The following ASAP1 variants were observed in gnomAD, a reference collection of about 807,000 sequenced individuals.
The protein encoded by ASAP1 is ArfGAP with SH3 domain, ankyrin repeat and PH domain 1, also known as arf-GAP with SH3 domain, ANK repeat and PH domain-containing protein 1.
ASAP1 carries 43 observed loss-of-function variants against 145.2 expected under a neutral mutation model. The observed-to-expected ratio is 0.30, with a 90% CI of 0.23 to 0.38. The LOEUF (loss-of-function observed/expected upper bound fraction) is 0.38. Among genes scored for constraint, ASAP1 ranks in the 10% least tolerant of loss-of-function variants. The probability of loss-of-function intolerance (pLI) is 1.00; values close to 1 mark genes in which losing one functional copy is unlikely to be tolerated. For missense variants in ASAP1, 1,018 were observed against 1,355.3 expected (o/e 0.75, Z 3.91); for synonymous variants, 546 against 515.5 (o/e 1.06, Z -0.80).
intron 2 of ASAP1, among the ~76,000 whole-genome samples, chr8:130,397,321 A>C (rs562949048): frequency 6.6e-6 from 1 of 152,110 alleles, no homozygotes; most frequent in Non-Finnish European, 1.5e-5. Flanking sequence ...TTGTATTTTT[A>C]GTAGAGACAG....
intron 24 of ASAP1, among the ~76,000 whole-genome samples, chr8:130,100,557 G>T (rs1222156529): frequency 1.3e-5 from 2 of 152,162 alleles, no homozygotes; most frequent in Non-Finnish European, 2.9e-5. Context: ...TCGAAGCCCT[G>T]ACCTCAGGCA....
intron 1 of ASAP1, among the ~76,000 whole-genome samples, chr8:130,411,218 A>G (rs1052276939): frequency 6.6e-6 from 1 of 152,118 alleles, no homozygotes. Flanking sequence ...GCCCACACAC[A>G]ATGCCTTGAC....
intron 15 of ASAP1, among the ~76,000 whole-genome samples, chr8:130,130,815 G>A (rs1411466824): frequency 5.9e-5 from 9 of 152,072 alleles, no homozygotes; most frequent in Admixed American, 3.9e-4. Flanking sequence ...AGGCTGAAGC[G>A]GGAAGATCGC....
chr8:130,148,895 C>T (rs961529893), intron 13 of ASAP1, among the ~76,000 whole-genome samples: 46 of 151,932 alleles, frequency 3.0e-4, no homozygotes, highest in African/African-American at 8.5e-4. Context: ...AGTGCAGTGG[C>T]GCAATCTTGG....
rs144413361 is a variant in ASAP1 at position 130,334,936 on chromosome 8, C to G, written c.186+23081G>C. On this transcript the variant is annotated intron_variant, in intron 3 of 29. Coordinates refer to ENST00000518721, the MANE Select transcript of ASAP1 (RefSeq NM_018482.4). ...ATCCAAATACATATCAGACCTCCAA[C>G]CCTCCTTTCAGAATATCAAGCATCC... Among the ~76,000 whole-genome samples the G allele has an allele frequency of 5.0e-3, 760 of 152,280 alleles. 7 individuals carry two copies. The highest frequency in any genetic ancestry group is 0.018 in the African/African-American group (730 of 41,546).
At chr8:130,206,970 G>A (rs1816265261) in intron 5 of ASAP1, among the ~76,000 whole-genome samples, 1 of 151,568 alleles carries the variant, frequency 6.6e-6, no homozygotes. Context: ...TGATTTTATT[G>A]GTTTCCTTTT....
At chr8:130,068,602 C>T (rs114403086) in intron 27 of ASAP1, among the ~76,000 whole-genome samples, 390 of 152,282 alleles carry the variant, frequency 2.6e-3, no homozygotes, top group African/African-American at 8.7e-3. Flanking sequence ...CCACAGCTCA[C>T]TATTGAACAA....
intron 27 of ASAP1, among the ~76,000 whole-genome samples, chr8:130,062,041 T>C (rs531411057): frequency 4.6e-5 from 7 of 152,256 alleles, no homozygotes; most frequent in Admixed American, 1.3e-4. Flanking sequence ...CATGGGTTAA[T>C]ATATGCAAAG....
chr8:130,343,152 T>A (rs955255798), intron 3 of ASAP1, among the ~76,000 whole-genome samples: 1 of 152,236 alleles, frequency 6.6e-6, no homozygotes, highest in African/African-American at 2.4e-5. Context: ...CCCCTTTTCA[T>A]AGTGAATGCT....
At chr8:130,186,461 A>G (rs759870108) in intron 7 of ASAP1, among the ~76,000 whole-genome samples, 2 of 152,158 alleles carry the variant, frequency 1.3e-5, no homozygotes, top group Admixed American at 1.3e-4. Context: ...TTAAAAATAC[A>G]TATCTCCTCC....
At chr8:130,321,971 C>A (rs746183953) in intron 3 of ASAP1, among the ~76,000 whole-genome samples, 98 of 152,314 alleles carry the variant, frequency 6.4e-4, no homozygotes, top group Admixed American at 1.5e-3. Context: ...AAATCTCAAT[C>A]TGACTTCTAG....
In ASAP1 at chr8:130,062,500, A is replaced by C. The variant is rs545150083; in HGVS notation, c.2702-1431T>G. ...ACATGAATCTCGTTCCTCTCTTGGAAGTCTGAAATTGGCTAAGAAACAATC... is the reference window on the plus strand; with the variant it reads ...ACATGAATCTCGTTCCTCTCTTGGACGTCTGAAATTGGCTAAGAAACAATC... On this transcript the variant is annotated intron_variant, in intron 27 of 29. Transcript: ENST00000518721. Among the ~76,000 whole-genome samples the C allele has an allele frequency of 8.5e-5, 13 of 152,282 alleles. No individual in the cohort carries two copies. The South Asian group carries it at 1.4e-3, about 17-fold the overall frequency.
chr8:130,164,380 A>G (rs939522190), intron 11 of ASAP1, among the ~76,000 whole-genome samples: 2 of 152,080 alleles, frequency 1.3e-5, no homozygotes, highest in African/African-American at 2.4e-5. Flanking sequence ...AGGTCACTTG[A>G]GGAGTTCGAG....
intron 11 of ASAP1, among the ~76,000 whole-genome samples, chr8:130,163,352 AT>A: frequency 1.3e-5 from 2 of 152,368 alleles, no homozygotes; most frequent in African/African-American, 4.8e-5. Flanking sequence ...TTATATATTT[AT>A]TACTAGCTTA....
At chr8:130,234,212 T>C (rs186390238) in intron 4 of ASAP1, among the ~76,000 whole-genome samples, 2 of 152,294 alleles carry the variant, frequency 1.3e-5, no homozygotes, top group East Asian at 1.9e-4. Flanking sequence ...ATTTCTGCAC[T>C]ATCCAATATG....
At chr8:130,134,196 C>T (rs559241425) in intron 15 of ASAP1, 100 bp downstream of exon 15, 5 of 892,878 alleles carry the variant, frequency 5.6e-6, no homozygotes, top group Non-Finnish European at 8.4e-6. Context: ...AGCCACCAGG[C>T]GAGGTTCTTA....
chr8:130,277,194 T>C (rs1176387875), intron 3 of ASAP1, among the ~76,000 whole-genome samples: 3 of 151,978 alleles, frequency 2.0e-5, no homozygotes, highest in African/African-American at 7.2e-5. Flanking sequence ...TGAGTGAGAC[T>C]GGAGAGAAAG....
intron 24 of ASAP1, among the ~76,000 whole-genome samples, chr8:130,094,699 C>T (rs1255285845): frequency 6.6e-6 from 1 of 152,130 alleles, no homozygotes; most frequent in Non-Finnish European, 1.5e-5. Flanking sequence ...TGGCGAGGCA[C>T]TCACCCCATC....
chr8:130,430,818 G>A (rs996041957), intron 1 of ASAP1, among the ~76,000 whole-genome samples: 4 of 152,314 alleles, frequency 2.6e-5, no homozygotes, highest in Non-Finnish European at 5.9e-5. Flanking sequence ...CGTGAAGGGA[G>A]TCTTCTCTCT....
Sources: allele counts gnomAD v4.1 joint callset (sites outside exome capture counted in the v4.1 genomes callset), GRCh38; gene constraint gnomAD v4.1.1; transcripts MANE v1.5; gene names NCBI Gene and HGNC (gene_info 2026-07-23, HGNC 2026-07-21).